Variants in SGK2 observed in about 807,000 individuals in gnomAD.
SGK2 encodes serum/glucocorticoid regulated kinase 2.
Under a neutral mutation model 47.5 loss-of-function variants are expected in SGK2, and 36 were observed. That is an observed-to-expected ratio of 0.76 (90% CI 0.58 to 1.00). SGK2 has a LOEUF of 1.00. Ranked by LOEUF, SGK2 falls within the 50% of genes least tolerant of loss-of-function variation. The probability of loss-of-function intolerance (pLI) is 0.00; values close to 1 mark genes in which losing one functional copy is unlikely to be tolerated. For missense variants in SGK2, 404 were observed against 467.4 expected, an observed-to-expected ratio of 0.86 and a Z score of 1.25; for synonymous variants, 157 against 181.9, an observed-to-expected ratio of 0.86 and a Z score of 1.10.
chr20:43,574,805 C>T lies in SGK2; in HGVS notation c.598-104C>T, dbSNP rs148180590. On this transcript the variant is annotated intron_variant, in intron 9 of 12. Transcript: ENST00000373100. ...CACACACAGCCACAGAGCACACGTA[C>T]AGCAGGGTCAGCTCTTGGTCATCTT... The T allele has an allele frequency of 6.6e-4, 483 of 732,430 alleles. 3 individuals carry two copies. The African/African-American group carries it at 7.7e-3, about 12-fold the overall frequency. 45.4% of individuals were successfully genotyped at this position (732,430 alleles called of 1,614,324 possible). A position where few individuals can be genotyped will look rare whatever the true frequency, so the allele number is the denominator to read the frequency against.
intron 1 of SGK2, among the ~76,000 whole-genome samples, chr20:43,563,158 GAAAA>G (rs974494165): frequency 5.1e-4 from 74 of 143,750 alleles, no homozygotes; most frequent in Middle Eastern, 7.6e-3. Flanking sequence ...AAGAAAGAAA[GAAAA>G]AAAAAGATTT....
intron 11 of SGK2, among the ~76,000 whole-genome samples, chr20:43,578,810 G>A (rs1423464816): frequency 6.6e-6 from 1 of 152,088 alleles, no homozygotes; most frequent in African/African-American, 2.4e-5. Context: ...AAGAATAGGG[G>A]CTTCCGTGAA....
chr20:43,583,316 A>C, intron 12 of SGK2: 1 of 1,288,800 alleles, frequency 7.8e-7, no homozygotes, highest in Non-Finnish European at 1.0e-6. Context: ...TGGACTTTAG[A>C]ATGAGACACT....
At position 43,567,979 on chromosome 20, in the gene SGK2, T is replaced by C. The variant is rs1979844013; in HGVS notation, c.208T>C (p.Ser70Pro). Reference sequence around the variant, plus strand: ...TGCAGTGAAGGTACTACAGAAAAAGTCCATCTTAAAGAAGAAAGAGGTACC... The same window carrying C: ...TGCAGTGAAGGTACTACAGAAAAAGCCCATCTTAAAGAAGAAAGAGGTACC... Reference protein sequence around the residue: ...FYAVKVLQKKSILKKKEQSHI... With the variant: ...FYAVKVLQKKPILKKKEQSHI... Residue 70 changes from serine to proline, a missense_variant, in exon 5 of 13, where the codon TCC (serine) becomes CCC (proline). Coordinates refer to ENST00000373100, the MANE Select transcript of SGK2 (RefSeq NM_170693.3). 5.0e-6 allele frequency: 8 copies of C among 1,613,960 alleles called. No homozygotes were observed. The highest frequency in any genetic ancestry group is 5.1e-6 in the Non-Finnish European group (6 of 1,179,962).
intron 10 of SGK2, 72 bp downstream of exon 10, chr20:43,575,076 A>G: frequency 3.1e-6 from 3 of 976,304 alleles, no homozygotes; most frequent in Non-Finnish European, 1.6e-6. Flanking sequence ...GGTCTACACA[A>G]GCTCTGTCCA....
intron 6 of SGK2, 66 bp downstream of exon 6, chr20:43,569,582 C>T (rs371193108): frequency 1.3e-5 from 20 of 1,560,850 alleles, no homozygotes; most frequent in East Asian, 1.1e-4. Context: ...ATCCCACATG[C>T]CCACTGCATG....
intron 6 of SGK2, among the ~76,000 whole-genome samples, chr20:43,570,169 G>A (rs1057182978): frequency 2.0e-5 from 3 of 152,148 alleles, no homozygotes; most frequent in Non-Finnish European, 4.4e-5. Context: ...TCTGACAGCC[G>A]TATCATCATA....
chr20:43,573,305 A>G (rs919242377), intron 9 of SGK2, among the ~76,000 whole-genome samples: 3 of 152,322 alleles, frequency 2.0e-5, no homozygotes, highest in Non-Finnish European at 2.9e-5. Context: ...CCTGGCCAAC[A>G]TGGCGAAACC....
At position 43,572,146 on chromosome 20, in the gene SGK2, A is replaced by G; in HGVS notation, c.597+9A>G. On this transcript the variant is annotated intron_variant, in intron 9 of 12. Coordinates refer to ENST00000373100, the MANE Select transcript of SGK2 (RefSeq NM_170693.3). This position sits in a 1 kb window ranked among gnomAD's most constrained non-coding sequence, Gnocchi z 4.2. ...TCTGTGGTACCCCTGAGGTAAGCGT[A>G]AACATCCCAGGAGAGGGGAGGTCAT... is the stretch of plus-strand genomic sequence containing the variant. 6.5e-7 allele frequency: 1 copy of G among 1,542,432 alleles called. No individual in the cohort carries two copies. Among genetic ancestry groups the G allele is most frequent in the Non-Finnish European group, 8.8e-7 (1 of 1,139,082 alleles).
chr20:43,570,452 C>T (rs1259366163), intron 6 of SGK2, among the ~76,000 whole-genome samples, 165 bp from the exon 7 acceptor site: 1 of 152,230 alleles, frequency 6.6e-6, no homozygotes, highest in Non-Finnish European at 1.5e-5. Context: ...TTTGGACACC[C>T]GGGACTGCTG....
chr20:43,584,304 G>A (rs1309853688), intron 12 of SGK2, among the ~76,000 whole-genome samples: 1 of 152,202 alleles, frequency 6.6e-6, no homozygotes, highest in East Asian at 1.9e-4. Context: ...CAAGTCATAT[G>A]GCTAACTTAC....
At position 43,569,452 on chromosome 20, in the gene SGK2, T is replaced by C; in HGVS notation, c.296T>C (p.Leu99Pro). ...KNVRHPFLVGLRYSFQTPEKL... is the reference protein window; with the variant it reads ...KNVRHPFLVGPRYSFQTPEKL... ...GTGCGGCACCCCTTCCTCGTGGGCC[T>C]GCGCTACTCCTTCCAGACACCTGAG... Residue 99 changes from leucine (L) to proline (P), a missense_variant, in exon 6 of 13, where the codon CTG becomes CCG. Physicochemically the swap from Leu to Pro is moderately conservative, Grantham distance 98. Transcript: ENST00000373100. 3 of 1,613,858 alleles carry C rather than the reference T, an allele frequency of 1.9e-6. No homozygotes were observed. The highest frequency in any genetic ancestry group is 2.5e-6 in the Non-Finnish European group (3 of 1,180,012).
chr20:43,584,981 T>C lies in SGK2; in HGVS notation c.1069T>C (p.Tyr357His). The C allele has an allele frequency of 6.2e-7, 1 of 1,614,128 alleles. No homozygotes were observed. Among genetic ancestry groups the C allele is most frequent in the Non-Finnish European group, 8.5e-7 (1 of 1,179,992 alleles). The change falls in exon 13 of 13, where the codon TAT becomes CAT. Residue 357 changes from tyrosine to histidine, a missense_variant. By Grantham distance (83) the Tyr-to-His change is moderately conservative (BLOSUM62 2). Transcript: ENST00000373100. ...GASSAFLGFSYAPEDDDILDC is the reference protein window; with the variant it reads ...GASSAFLGFSHAPEDDDILDC The stretch of plus-strand genomic sequence containing the variant: ...CTCAAGTGCATTCCTGGGATTTTCT[T>C]ATGCGCCAGAGGATGATGACATCTT...
At chr20:43,573,479 G>T (rs1327295136) in intron 9 of SGK2, among the ~76,000 whole-genome samples, 1 of 122,498 alleles carries the variant, frequency 8.2e-6, no homozygotes, top group African/African-American at 3.1e-5. Flanking sequence ...ACAAGAGCGA[G>T]ACTCTGTCTC....
At chr20:43,570,779 A>G (rs1980058975) in intron 7 of SGK2, 50 bp downstream of exon 7, 5 of 1,420,270 alleles carry the variant, frequency 3.5e-6, no homozygotes, top group Non-Finnish European at 4.9e-6. Context: ...TCTTGCTCCA[A>G]CAGCTAGGGG....
At chr20:43,580,094 T>G (rs531867671) in intron 12 of SGK2, 33 bp downstream of exon 12, 2 of 1,415,458 alleles carry the variant, frequency 1.4e-6, no homozygotes, top group Non-Finnish European at 9.6e-7. Context: ...ACTCTGGATT[T>G]CCGGGGCTGG....
rs1429989109 is a variant in SGK2 at position 43,572,132 on chromosome 20, C to T, written c.592C>T (p.Pro198Ser). ...CACCACATCCACATTCTGTGGTACC[C>T]CTGAGGTAAGCGTAAACATCCCAGG... ...EDTTSTFCGT[P>S]EYLAPEVLRK... The change falls in exon 9 of 13, where the codon CCT becomes TCT. Residue 198 changes from proline to serine, a missense_variant. Transcript: ENST00000373100. The surrounding 1 kb of genome is among the most constrained non-coding windows in gnomAD (Gnocchi z 4.2). 1.3e-6 allele frequency: 2 copies of T among 1,547,228 alleles called. No individual in the cohort carries two copies. Among genetic ancestry groups the T allele is most frequent in the Non-Finnish European group, 1.7e-6 (2 of 1,143,274 alleles).
intron 11 of SGK2, among the ~76,000 whole-genome samples, chr20:43,578,143 A>T (rs917151391): frequency 6.6e-6 from 1 of 152,182 alleles, no homozygotes; most frequent in Non-Finnish European, 1.5e-5. Context: ...GAAGGCCGCA[A>T]TATTTTCTCA....
intron 1 of SGK2, among the ~76,000 whole-genome samples, chr20:43,559,569 G>T (rs1979268456): frequency 6.6e-6 from 1 of 152,164 alleles, no homozygotes; most frequent in Non-Finnish European, 1.5e-5. Flanking sequence ...TTGAAACAGG[G>T]ACGATGATAG....
Sources: allele counts gnomAD v4.1 joint callset (sites outside exome capture counted in the v4.1 genomes callset), GRCh38; gene constraint gnomAD v4.1.1; non-coding constraint Gnocchi (gnomAD v3.1); transcripts MANE v1.5; gene names NCBI Gene and HGNC (gene_info 2026-07-23, HGNC 2026-07-21).